NFS1: variants seen among roughly 807,000 people sequenced by gnomAD.
NFS1 encodes NFS1 cysteine desulfurase.
A neutral mutation model predicts 57.3 loss-of-function variants in NFS1; 26 were observed. That is an observed-to-expected ratio of 0.45 (90% CI 0.33 to 0.63). The LOEUF is 0.63. Among genes scored for constraint, NFS1 ranks in the 20% least tolerant of loss-of-function variants. The probability of loss-of-function intolerance (pLI) is 0.02; values close to 1 mark genes in which losing one functional copy is unlikely to be tolerated. For missense variants in NFS1, 505 were observed against 605.8 expected (o/e 0.83, Z 1.75); for synonymous variants, 209 against 216.3 (o/e 0.97, Z 0.30).
intron 7 of NFS1, among the ~76,000 whole-genome samples, chr20:35,678,876 A>G (rs2034801717): frequency 6.6e-6 from 1 of 152,132 alleles, no homozygotes; most frequent in Admixed American, 6.6e-5. Context: ...CAAATGAATA[A>G]AATAATGTAT....
chr20:35,699,020 CG>C lies in NFS1; in HGVS notation c.97+171del, dbSNP rs2035194807. The stretch of plus-strand genomic sequence containing the variant: ...GCGCAGGGTGCGAGGGGTGGTGCGC[CG>C]GGGTCAACCGTTCGGGGACCCGCCT... On this transcript the variant is annotated intron_variant, in intron 1 of 12. Transcript: ENST00000374092. The surrounding 1 kb of genome is among the most constrained non-coding windows in gnomAD (Gnocchi z 4.4). The C allele has an allele frequency of 1.5e-5, 20 of 1,323,974 alleles. No homozygotes were observed. In the South Asian group the frequency reaches 4.2e-4, roughly 28 times the overall value. The allele number at this position is 1,323,974 out of a possible 1,614,324, so 82.0% of individuals were successfully genotyped here.
intron 7 of NFS1, chr20:35,675,855 A>G (rs182864243): frequency 7.2e-6 from 1 of 138,740 alleles, no homozygotes; most frequent in Non-Finnish European, 1.5e-5. Flanking sequence ...TGAGTGATGG[A>G]GCAAGACTCT....
chr20:35,696,279 G>A (rs1374878390), intron 4 of NFS1, 98 bp downstream of exon 4: 1 of 809,788 alleles, frequency 1.2e-6, no homozygotes, highest in Non-Finnish European at 2.2e-6. Flanking sequence ...GGGTGGGGAT[G>A]GATGGCTGCG....
rs73618511 is a variant in NFS1, at chr20:35,698,357, G to A, written c.207+124C>T. 1,962 of 747,000 alleles carry A rather than the reference G, an allele frequency of 2.6e-3. 26 individuals carry two copies. The East Asian group carries it at 0.041, about 15-fold the overall frequency. 46.3% of individuals were successfully genotyped at this position (747,000 alleles called of 1,614,324 possible). ...TCGAATTTAAGCCTCCCGACTCCTC[G>A]CTCAGTGCTTTTTCCAGCACACCTT... On this transcript the variant is annotated intron_variant, in intron 2 of 12. Coordinates refer to ENST00000374092, the MANE Select transcript of NFS1 (RefSeq NM_021100.5).
intron 5 of NFS1, among the ~76,000 whole-genome samples, chr20:35,682,503 T>G (rs78098717): frequency 0.032 from 4,888 of 152,110 alleles, 268 homozygotes; most frequent in African/African-American, 0.11. Flanking sequence ...AAAAAGCCAA[T>G]AAAGGCCGGG....
intron 3 of NFS1, 65 bp from the exon 4 acceptor site, chr20:35,696,525 A>T (rs1279158625): frequency 8.1e-7 from 1 of 1,241,978 alleles, no homozygotes; most frequent in African/African-American, 1.5e-5. Flanking sequence ...CTGCAGACAC[A>T]GGTGGGACAG....
chr20:35,687,567 C>T (rs576670918), intron 5 of NFS1, among the ~76,000 whole-genome samples: 6 of 152,240 alleles, frequency 3.9e-5, no homozygotes, highest in South Asian at 2.1e-4. Flanking sequence ...TAAATATCAG[C>T]GCAGGCTGGC....
In NFS1 at chr20:35,676,758, G is replaced by GAAAAAAAAAAAAAAAAAAAAA. The variant is rs746820595; in HGVS notation, c.791-1577_791-1557dup. ...GCCTCCCAATAACCAGAGAAAATCA[G>GAAAAAAAAAAAAAAAAAAAAA]AAAAAAAAAAAAAAAAAAAAAAAAA... is the stretch of plus-strand genomic sequence containing the variant. On this transcript the variant is annotated intron_variant, in intron 7 of 12. Transcript: ENST00000374092. 7.7e-4 allele frequency among the ~76,000 whole-genome samples: 14 copies of GAAAAAAAAAAAAAAAAAAAAA among 18,130 alleles called. 2 individuals carry two copies. The highest frequency in any genetic ancestry group is 1.3e-3 in the African/African-American group (5 of 3,928). 11.9% of individuals were successfully genotyped at this position (18,130 alleles called of 152,430 possible).
intron 7 of NFS1, 93 bp downstream of exon 7, chr20:35,680,644 A>G (rs2034831923): frequency 8.7e-7 from 1 of 1,144,980 alleles, no homozygotes; most frequent in South Asian, 2.3e-5. Flanking sequence ...ACTTCCTCTG[A>G]GAGCAACAGT....
Position 35,674,050 on chromosome 20 carries a change from G to A in NFS1, c.1136+300C>T, listed in dbSNP as rs1460613992. ...GGCAGCCAAACACTTAGTGGCCTTT[G>A]GAGCATCTTCAATTCTAGAGGCCTG... is the stretch of plus-strand genomic sequence containing the variant. On this transcript the variant is annotated intron_variant, in intron 10 of 12. Coordinates refer to ENST00000374092, the MANE Select transcript of NFS1 (RefSeq NM_021100.5). The A allele has an allele frequency of 8.6e-6, 4 of 466,852 alleles. No individual in the cohort carries two copies. The Admixed American group carries it at 1.3e-4, about 16-fold the overall frequency. 28.9% of individuals were successfully genotyped at this position (466,852 alleles called of 1,614,324 possible).
chr20:35,671,950 T>C (rs1379989041), intron 12 of NFS1, among the ~76,000 whole-genome samples: 1 of 141,268 alleles, frequency 7.1e-6, no homozygotes, highest in Non-Finnish European at 1.5e-5. Flanking sequence ...TTTAGTTTGT[T>C]GTTTTTGTTT....
chr20:35,698,116 C>T (rs963734359), intron 2 of NFS1, among the ~76,000 whole-genome samples: 2 of 152,180 alleles, frequency 1.3e-5, no homozygotes, highest in Non-Finnish European at 2.9e-5. Context: ...GGGGCTGGGA[C>T]AGGACAGGGC....
intron 7 of NFS1, among the ~76,000 whole-genome samples, chr20:35,680,249 G>A (rs2034825675): frequency 6.6e-6 from 1 of 152,022 alleles, no homozygotes. Flanking sequence ...AGCTTGCAGT[G>A]AACCGAGATG....
In NFS1 at chr20:35,668,701, C is replaced by T. The variant is rs1247574478; in HGVS notation, c.*921G>A. On this transcript the variant is annotated 3_prime_UTR_variant, in exon 13 of 13. Coordinates refer to ENST00000374092, the MANE Select transcript of NFS1 (RefSeq NM_021100.5). ...TCATAGCACTTATCACAATCTATAA[C>T]ATTGTTTATTTGTTTAATTATTTTC... 1 of 152,226 alleles carries T rather than the reference C, an allele frequency of 6.6e-6. No homozygotes were observed. The highest frequency in any genetic ancestry group is 2.4e-5 in the African/African-American group (1 of 41,454). 9.4% of individuals were successfully genotyped at this position (152,226 alleles called of 1,614,324 possible). A position where few individuals can be genotyped will look rare whatever the true frequency, so the allele number is the denominator to read the frequency against.
intron 7 of NFS1, among the ~76,000 whole-genome samples, chr20:35,679,500 A>G (rs2034812289): frequency 6.6e-6 from 1 of 152,210 alleles, no homozygotes; most frequent in South Asian, 2.1e-4. Flanking sequence ...GTTTTAATAC[A>G]GGCATATAAT....
chr20:35,699,254 AC>A lies in NFS1; in HGVS notation c.34del (p.Val12TrpfsTer3). ...CGGCCCTGGAGCCGCTGTCACCGCC[AC>A]TGCCGCCCGCCTCCAAGCGGCTCGG... Reference protein sequence around the residue: ...LLRAAWRRAAVAVTAAPGPKP... With the variant: ...LLRAAWRRAAXAVTAAPGPKP... On this transcript the variant is annotated frameshift_variant, in exon 1 of 13. Coordinates refer to ENST00000374092, the MANE Select transcript of NFS1 (RefSeq NM_021100.5). LOFTEE classifies it high-confidence loss of function. The surrounding 1 kb of genome is among the most constrained non-coding windows in gnomAD (Gnocchi z 4.4). The A allele has an allele frequency of 7.0e-7, 1 of 1,425,004 alleles. No homozygotes were observed. Among genetic ancestry groups the A allele is most frequent in the East Asian group, 2.9e-5 (1 of 34,082 alleles). The allele number at this position is 1,425,004 out of a possible 1,614,324, so 88.3% of individuals were successfully genotyped here.
chr20:35,674,473 G>A, intron 9 of NFS1, 39 bp downstream of exon 9: 1 of 1,608,812 alleles, frequency 6.2e-7, no homozygotes, highest in Non-Finnish European at 8.5e-7. Context: ...CAGAGTCTCA[G>A]CCTCTACCAG....
At chr20:35,684,091 C>T (rs966238106) in intron 5 of NFS1, among the ~76,000 whole-genome samples, 36 of 150,272 alleles carry the variant, frequency 2.4e-4, no homozygotes, top group African/African-American at 8.1e-4. Flanking sequence ...CCAGCTGGGG[C>T]GACCAGAGCA....
intron 12 of NFS1, among the ~76,000 whole-genome samples, chr20:35,670,331 G>A (rs531009619): frequency 5.0e-4 from 76 of 152,284 alleles, no homozygotes; most frequent in African/African-American, 1.8e-3. Context: ...CACAAGAGCT[G>A]CTGCTAAGAA....
Sources: gnomAD v4.1 joint callset for allele counts (sites outside exome capture counted in the v4.1 genomes callset) on GRCh38, gnomAD v4.1.1 for gene constraint, Gnocchi (gnomAD v3.1) non-coding constraint, MANE v1.5 for transcripts, NCBI Gene and HGNC (gene_info 2026-07-23, HGNC 2026-07-21) for gene names.